Variants in PPP1R9A observed in about 807,000 individuals in gnomAD.
PPP1R9A encodes the protein protein phosphatase 1 regulatory subunit 9A.
In PPP1R9A, 59 loss-of-function variants were observed where a neutral mutation model predicts 141.9. The observed-to-expected ratio is 0.42, with a 90% CI of 0.34 to 0.52. The LOEUF is 0.52. Among genes scored for constraint, PPP1R9A ranks in the 20% least tolerant of loss-of-function variants. The pLI, the probability that PPP1R9A is intolerant of heterozygous loss-of-function variation, is 0.10. For missense variants in PPP1R9A, 1,444 were observed against 1,611.9 expected, an observed-to-expected ratio of 0.90 and a Z score of 1.78; for synonymous variants, 500 against 569.7, an observed-to-expected ratio of 0.88 and a Z score of 1.74.
intron 2 of PPP1R9A, among the ~76,000 whole-genome samples, chr7:95,080,062 A>C (rs1476707872): frequency 6.6e-6 from 1 of 152,148 alleles, no homozygotes; most frequent in African/African-American, 2.4e-5. Flanking sequence ...ACTCCTATTC[A>C]ACATAGTGTT....
In PPP1R9A at chr7:95,130,037, C is replaced by T. The variant is rs2214081; in HGVS notation, c.1649+9205C>T. ...CCTGAAGTGAAATTCAAATCAGCTG[C>T]AGAAATTTGCACAAGTAATAAGTAG... On this transcript the variant is annotated intron_variant, in intron 4 of 19. Transcript: ENST00000433360. Among the ~76,000 whole-genome samples the T allele has an allele frequency of 1.9e-3, 290 of 152,256 alleles. 1 individual carries two copies. Among genetic ancestry groups the T allele is most frequent in the African/African-American group, 6.7e-3 (278 of 41,552 alleles).
At chr7:95,020,629 T>C (rs963726410) in intron 2 of PPP1R9A, among the ~76,000 whole-genome samples, 2 of 152,034 alleles carry the variant, frequency 1.3e-5, no homozygotes, top group African/African-American at 4.8e-5. Context: ...GCCCCCATCC[T>C]GTCCCCCAGA....
chr7:95,120,963 A>G, intron 4 of PPP1R9A, 131 bp downstream of exon 4: 1 of 1,180,318 alleles, frequency 8.5e-7, no homozygotes, highest in East Asian at 2.4e-5. Context: ...AGATGTGAAA[A>G]TCTTTAAACA....
intron 2 of PPP1R9A, among the ~76,000 whole-genome samples, chr7:95,080,732 T>C (rs1815681206): frequency 6.6e-6 from 1 of 152,160 alleles, no homozygotes; most frequent in Non-Finnish European, 1.5e-5. Context: ...GTCCGCTGTT[T>C]CTCAAAATAA....
At chr7:94,966,738 C>A (rs546193409) in intron 2 of PPP1R9A, among the ~76,000 whole-genome samples, 1 of 152,114 alleles carries the variant, frequency 6.6e-6, no homozygotes, top group South Asian at 2.1e-4. Context: ...TGAGGATTTT[C>A]GTATTGATGT....
intron 2 of PPP1R9A, among the ~76,000 whole-genome samples, chr7:95,096,374 CT>C (rs1818019559): frequency 6.6e-6 from 1 of 152,072 alleles, no homozygotes; most frequent in Non-Finnish European, 1.5e-5. Context: ...TCTTTTTGCT[CT>C]TGTTGCAAGG....
At chr7:95,253,431 T>A (rs1262836741) in intron 12 of PPP1R9A, among the ~76,000 whole-genome samples, 2 of 152,234 alleles carry the variant, frequency 1.3e-5, no homozygotes, top group Non-Finnish European at 2.9e-5. Flanking sequence ...TCATTTAAAA[T>A]TAAAATGATA....
At chr7:95,015,783 C>T (rs1418835814) in intron 2 of PPP1R9A, among the ~76,000 whole-genome samples, 1 of 152,018 alleles carries the variant, frequency 6.6e-6, no homozygotes, top group Non-Finnish European at 1.5e-5. Context: ...TTTATGGTGG[C>T]TCATGTCTGT....
intron 4 of PPP1R9A, among the ~76,000 whole-genome samples, chr7:95,147,278 A>G (rs1827808531): frequency 6.6e-6 from 1 of 152,178 alleles, no homozygotes; most frequent in Non-Finnish European, 1.5e-5. Context: ...GAGTTCAATC[A>G]TGATTTGGCT....
At chr7:94,958,297 A>G (rs1038723002) in intron 2 of PPP1R9A, among the ~76,000 whole-genome samples, 3 of 152,018 alleles carry the variant, frequency 2.0e-5, no homozygotes, top group Middle Eastern at 3.2e-3. Context: ...AGGCTCTATC[A>G]TATCACTCTT....
intron 2 of PPP1R9A, among the ~76,000 whole-genome samples, chr7:94,992,493 C>G (rs1158826603): frequency 1.3e-5 from 2 of 152,130 alleles, no homozygotes; most frequent in African/African-American, 2.4e-5. Flanking sequence ...GGGTAATCAC[C>G]TAGGAGTGGA....
chr7:95,233,187 T>C (rs933410535), intron 8 of PPP1R9A, among the ~76,000 whole-genome samples: 9 of 151,964 alleles, frequency 5.9e-5, no homozygotes, highest in Non-Finnish European at 1.0e-4. Flanking sequence ...TACTATGCAG[T>C]CATAAAAAAG....
chr7:95,144,114 CAGAA>C (rs1198385437), intron 4 of PPP1R9A, among the ~76,000 whole-genome samples: 4 of 152,040 alleles, frequency 2.6e-5, no homozygotes, highest in Non-Finnish European at 5.9e-5. Flanking sequence ...CATCTTATAA[CAGAA>C]AGTTTCTACT....
At chr7:95,289,370 A>G (rs1805973724) in intron 19 of PPP1R9A, among the ~76,000 whole-genome samples, 1 of 152,212 alleles carries the variant, frequency 6.6e-6, no homozygotes, top group African/African-American at 2.4e-5. Flanking sequence ...TCTCTTGACA[A>G]TCTTGAAAAG....
At chr7:94,960,157 TTC>T (rs1273141755) in intron 2 of PPP1R9A, among the ~76,000 whole-genome samples, 2 of 151,078 alleles carry the variant, frequency 1.3e-5, no homozygotes, top group Middle Eastern at 3.4e-3. Flanking sequence ...ATGGACTTCT[TTC>T]TCTCTCTCTC....
At chr7:95,166,181 A>G (rs1005925365) in intron 5 of PPP1R9A, among the ~76,000 whole-genome samples, 11 of 151,818 alleles carry the variant, frequency 7.2e-5, no homozygotes, top group African/African-American at 2.7e-4. Flanking sequence ...GAAAATTAGA[A>G]GAAAGAGTAT....
At chr7:95,071,801 T>G (rs1813854084) in intron 2 of PPP1R9A, among the ~76,000 whole-genome samples, 1 of 151,952 alleles carries the variant, frequency 6.6e-6, no homozygotes, top group Admixed American at 6.6e-5. Flanking sequence ...GAAATAAACT[T>G]TTTTTGTAGC....
At chr7:95,167,189 A>T (rs1831393957) in intron 5 of PPP1R9A, among the ~76,000 whole-genome samples, 1 of 152,134 alleles carries the variant, frequency 6.6e-6, no homozygotes, top group Non-Finnish European at 1.5e-5. Flanking sequence ...CAGCAGGCAA[A>T]GAGAGAGTGC....
At chr7:95,042,531 T>C (rs1388051832) in intron 2 of PPP1R9A, among the ~76,000 whole-genome samples, 1 of 152,230 alleles carries the variant, frequency 6.6e-6, no homozygotes, top group Non-Finnish European at 1.5e-5. Flanking sequence ...ACTTCATTTA[T>C]GATGCCTTGA....
Sources: gnomAD v4.1 joint callset for allele counts (sites outside exome capture counted in the v4.1 genomes callset) on GRCh38, gnomAD v4.1.1 for gene constraint, MANE v1.5 for transcripts, NCBI Gene and HGNC (gene_info 2026-07-23, HGNC 2026-07-21) for gene names.